Variants in PCCA observed in about 807,000 individuals in gnomAD.
PCCA encodes the protein propionyl-CoA carboxylase alpha chain, mitochondrial.
PCCA carries 74 observed loss-of-function variants against 101.3 expected under a neutral mutation model. The ratio of observed to expected loss-of-function variants is 0.73; its 90% CI spans 0.61 to 0.89. The LOEUF (loss-of-function observed/expected upper bound fraction) is 0.89, where lower values mean the gene tolerates loss of function less well. PCCA is among the 40% of genes least tolerant of loss of function. The pLI is 0.00. For synonymous variants in PCCA, 294 were observed against 313.6 expected (o/e 0.94, Z 0.66); for missense variants, 891 against 907.0 (o/e 0.98, Z 0.23).
At chr13:100,415,931 G>A (rs2078328844) in intron 19 of PCCA, among the ~76,000 whole-genome samples, 1 of 152,182 alleles carries the variant, frequency 6.6e-6, no homozygotes, top group Admixed American at 6.5e-5. Context: ...CTCTGAGGAA[G>A]TGTTTCTTTT....
rs139710432 is a variant in PCCA at position 100,201,749 on chromosome 13, T to C, written c.469-7583T>C. Among the ~76,000 whole-genome samples the C allele has an allele frequency of 4.6e-3, 680 of 147,172 alleles. 9 individuals are homozygous for C. Among genetic ancestry groups the C allele is most frequent in the African/African-American group, 0.016 (633 of 39,778 alleles). ...GTGCATGCCTGTAATCCCAGCTACT[T>C]GGGAGGCTGAGGCAGGAGAATCGCT... On this transcript the variant is annotated intron_variant, in intron 6 of 23. Transcript: ENST00000376285.
chr13:100,170,793 T>C (rs945882), intron 6 of PCCA, among the ~76,000 whole-genome samples: 119,656 of 152,204 alleles, frequency 0.79, 47,221 homozygotes, highest in East Asian at 0.99. Flanking sequence ...AATGCCACAA[T>C]TGATAGAAAA....
chr13:100,322,242 A>G (rs2068136700), intron 16 of PCCA, among the ~76,000 whole-genome samples: 2 of 152,200 alleles, frequency 1.3e-5, no homozygotes, highest in African/African-American at 4.8e-5. Flanking sequence ...ACGAGAAGAA[A>G]GGAAGCTCAA....
chr13:100,263,874 T>TGTC (rs2062709862), intron 10 of PCCA, among the ~76,000 whole-genome samples: 1 of 150,220 alleles, frequency 6.7e-6, no homozygotes, highest in African/African-American at 2.4e-5. Flanking sequence ...GTATATCGTA[T>TGTC]ATATATGGTA....
chr13:100,432,462 G>A (rs907492702), intron 20 of PCCA, among the ~76,000 whole-genome samples: 1 of 152,162 alleles, frequency 6.6e-6, no homozygotes, highest in Non-Finnish European at 1.5e-5. Context: ...TTAGAAAAAC[G>A]TGTTTGTGAA....
chr13:100,138,179 A>G (rs2051411483), intron 4 of PCCA, among the ~76,000 whole-genome samples: 2 of 141,436 alleles, frequency 1.4e-5, no homozygotes, highest in Admixed American at 1.4e-4. Context: ...TCACTGTTTC[A>G]CTCTTTGTGT....
In PCCA at chr13:100,268,637, T is replaced by C. The variant is rs370243404; in HGVS notation, c.820-52T>C. On this transcript the variant is annotated intron_variant, in intron 10 of 23. Coordinates refer to ENST00000376285, the MANE Select transcript of PCCA (RefSeq NM_000282.4). ...TGCATGCGGAAAATATTAACCATCA[T>C]CTACTTTGTGGGTGTGGTTATATGG... The C allele has an allele frequency of 2.2e-3, 2,721 of 1,259,540 alleles. 76 individuals are homozygous for C. In the South Asian group the frequency reaches 0.03, roughly 14 times the overall value. The allele number at this position is 1,259,540 out of a possible 1,614,324, so 78.0% of individuals were successfully genotyped here.
intron 21 of PCCA, among the ~76,000 whole-genome samples, chr13:100,492,921 CAT>C (rs1038303414): frequency 2.0e-5 from 3 of 151,954 alleles, no homozygotes; most frequent in African/African-American, 7.3e-5. Flanking sequence ...GAGCCATCTC[CAT>C]CACTCAGTAA....
intron 19 of PCCA, among the ~76,000 whole-genome samples, chr13:100,416,272 T>C (rs2078357455): frequency 6.6e-6 from 1 of 151,392 alleles, no homozygotes. Context: ...CACTGCAACC[T>C]CCACCTCCCA....
At chr13:100,135,081 T>G (rs202136233) in intron 4 of PCCA, among the ~76,000 whole-genome samples, 1 of 152,058 alleles carries the variant, frequency 6.6e-6, no homozygotes, top group Middle Eastern at 3.4e-3. Context: ...AGTGTAATTT[T>G]TTTTTGGAGA....
At chr13:100,396,598 G>A (rs113182389) in intron 19 of PCCA, among the ~76,000 whole-genome samples, 4 of 152,278 alleles carry the variant, frequency 2.6e-5, no homozygotes, top group African/African-American at 9.6e-5. Flanking sequence ...AGCAGCCGAG[G>A]CTAGGCGTTC....
intron 2 of PCCA, among the ~76,000 whole-genome samples, chr13:100,103,763 G>A (rs2047496461): frequency 6.6e-6 from 1 of 151,962 alleles, no homozygotes; most frequent in Non-Finnish European, 1.5e-5. Context: ...AGCCTCCTGA[G>A]TAGCTGGGAT....
chr13:100,482,007 A>G (rs1334546418), intron 21 of PCCA, among the ~76,000 whole-genome samples: 1 of 152,270 alleles, frequency 6.6e-6, no homozygotes, highest in Admixed American at 6.5e-5. Flanking sequence ...TTGAATATGA[A>G]TAATAAAAAT....
intron 19 of PCCA, among the ~76,000 whole-genome samples, chr13:100,408,293 T>C (rs1324001484): frequency 6.6e-6 from 1 of 152,216 alleles, no homozygotes; most frequent in Admixed American, 6.5e-5. Flanking sequence ...AAATAGTTCT[T>C]AAAACTCAAA....
rs143417018 is a variant in PCCA, at chr13:100,414,696, C to T, written c.1747-10937C>T. Among the ~76,000 whole-genome samples, 808 of 152,210 alleles carry T rather than the reference C, an allele frequency of 5.3e-3. 4 individuals carry two copies. The highest frequency in any genetic ancestry group is 0.018 in the African/African-American group (738 of 41,536). Reference sequence around the variant, plus strand: ...TGTAGAATTTAGTGAACTATAATAACGTTGGATGGTGGTAATGTCACAGTG... The same window carrying T: ...TGTAGAATTTAGTGAACTATAATAATGTTGGATGGTGGTAATGTCACAGTG... On this transcript the variant is annotated intron_variant, in intron 19 of 23. Coordinates refer to ENST00000376285, the MANE Select transcript of PCCA (RefSeq NM_000282.4).
chr13:100,253,245 T>TCCCAAGTA (rs1308694872), intron 8 of PCCA, among the ~76,000 whole-genome samples: 2 of 152,124 alleles, frequency 1.3e-5, no homozygotes, highest in African/African-American at 4.8e-5. Context: ...CAGCTCAGCC[T>TCCCAAGTA]CCCAAGTAGC....
At chr13:100,232,081 A>G (rs138400511) in intron 7 of PCCA, among the ~76,000 whole-genome samples, 33 of 152,228 alleles carry the variant, frequency 2.2e-4, no homozygotes, top group Non-Finnish European at 8.8e-5. Context: ...GTCATTTGTC[A>G]TTGCCTTGTA....
At chr13:100,197,450 A>T (rs544366569) in intron 6 of PCCA, among the ~76,000 whole-genome samples, 3 of 149,800 alleles carry the variant, frequency 2.0e-5, no homozygotes, top group African/African-American at 4.9e-5. Context: ...ATTTTAATTT[A>T]ATTTTATTTT....
At chr13:100,528,057 G>A (rs1336471728) in intron 23 of PCCA, among the ~76,000 whole-genome samples, 1 of 152,162 alleles carries the variant, frequency 6.6e-6, no homozygotes, top group Non-Finnish European at 1.5e-5. Context: ...CATCTGTCTT[G>A]AAGGCAGTTA....
Sources: gnomAD v4.1 joint callset for allele counts (sites outside exome capture counted in the v4.1 genomes callset) on GRCh38, gnomAD v4.1.1 for gene constraint, MANE v1.5 for transcripts, NCBI Gene and HGNC (gene_info 2026-07-23, HGNC 2026-07-21) for gene names.